ATXN1: variants seen among roughly 807,000 people sequenced by gnomAD.
The protein encoded by ATXN1 is ataxin 1.
ATXN1 carries 8 observed loss-of-function variants against 56.4 expected under a neutral mutation model. That is an observed-to-expected ratio of 0.14 (90% CI 0.08 to 0.26). ATXN1 has a LOEUF of 0.26. ATXN1 is among the 10% of genes least tolerant of loss of function. The pLI is 1.00. For synonymous variants in ATXN1, 514 were observed against 494.6 expected (o/e 1.04, Z -0.52); for missense variants, 987 against 1,106.5 (o/e 0.89, Z 1.53).
At chr6:16,466,243 C>A (rs901314211) in intron 6 of ATXN1, among the ~76,000 whole-genome samples, 1 of 133,582 alleles carries the variant, frequency 7.5e-6, no homozygotes, top group Non-Finnish European at 1.6e-5. Flanking sequence ...TGTACCCAGG[C>A]GGGGGCAGAG....
Position 16,326,812 on chromosome 6 carries a change from T to C in ATXN1, c.1499A>G (p.Glu500Gly), listed in dbSNP as rs751613620. The change falls in exon 7 of 8, where the codon GAA becomes GGA. Residue 500 changes from glutamate (E) to glycine (G), a missense_variant. Around this residue, in one of 3 missense-constraint regions of ATXN1, gnomAD observed 723 missense variants for 791.7 expected, o/e 0.91. Transcript: ENST00000436367. This position sits in a 1 kb window ranked among gnomAD's most constrained non-coding sequence, Gnocchi z 6.6. ...TATGGCCGGGGCTGCCCCCGACGCT[T>C]CCATGTCAGTGCTGCCGACCGGGAT... Reference protein sequence around the residue: ...LLIPVGSTDMEASGAAPAIVT... With the variant: ...LLIPVGSTDMGASGAAPAIVT... 1.2e-6 allele frequency: 2 copies of C among 1,608,374 alleles called. No homozygotes were observed. Among genetic ancestry groups the C allele is most frequent in the East Asian group, 4.5e-5 (2 of 44,760 alleles).
At chr6:16,395,788 T>C (rs1249177461) in intron 6 of ATXN1, among the ~76,000 whole-genome samples, 1 of 151,648 alleles carries the variant, frequency 6.6e-6, no homozygotes, top group Non-Finnish European at 1.5e-5. Context: ...GAGGCCAAGG[T>C]GGGCAGATCA....
At chr6:16,718,624 T>C (rs985013102) in intron 2 of ATXN1, among the ~76,000 whole-genome samples, 7 of 152,242 alleles carry the variant, frequency 4.6e-5, no homozygotes, top group Non-Finnish European at 1.0e-4. Flanking sequence ...TTAAATATAT[T>C]ATGCTCTTTG....
intron 6 of ATXN1, among the ~76,000 whole-genome samples, chr6:16,416,676 G>A (rs1027813579): frequency 6.6e-6 from 1 of 152,126 alleles, no homozygotes; most frequent in Admixed American, 6.5e-5. Context: ...CACCCTAAAC[G>A]TTTAAAATAA....
At chr6:16,606,225 T>C (rs1165043378) in intron 3 of ATXN1, among the ~76,000 whole-genome samples, 1 of 152,218 alleles carries the variant, frequency 6.6e-6, no homozygotes, top group Non-Finnish European at 1.5e-5. Flanking sequence ...TTAGAACACC[T>C]AGCACAGGAC....
At chr6:16,404,952 C>T (rs1039743260) in intron 6 of ATXN1, among the ~76,000 whole-genome samples, 21 of 152,166 alleles carry the variant, frequency 1.4e-4, no homozygotes, top group African/African-American at 4.8e-4. Flanking sequence ...ATTTATTGCA[C>T]ACCTAAAACA....
At chr6:16,435,668 C>A (rs746824464) in intron 6 of ATXN1, among the ~76,000 whole-genome samples, 1 of 151,812 alleles carries the variant, frequency 6.6e-6, no homozygotes, top group East Asian at 1.9e-4. Flanking sequence ...AGGGGTGGAC[C>A]GCAGGGGAAA....
chr6:16,549,785 T>G (rs552242626), intron 4 of ATXN1, among the ~76,000 whole-genome samples: 1 of 150,138 alleles, frequency 6.7e-6, no homozygotes, highest in East Asian at 2.0e-4. Context: ...TAATCCCAGC[T>G]ACTCAGGAGG....
In ATXN1 at chr6:16,316,865, C is replaced by CTTTTTTTTTTTTTTTTTTTTTT. The variant is rs375359789; in HGVS notation, c.1917+9507_1917+9528dup. Among the ~76,000 whole-genome samples, 33 of 99,458 alleles carry CTTTTTTTTTTTTTTTTTTTTTT rather than the reference C, an allele frequency of 3.3e-4. 4 individuals carry two copies. Among genetic ancestry groups the CTTTTTTTTTTTTTTTTTTTTTT allele is most frequent in the South Asian group, 4.3e-4 (1 of 2,348 alleles). The allele number at this position is 99,458 out of a possible 152,430, so 65.2% of individuals were successfully genotyped here. The stretch of plus-strand genomic sequence containing the variant: ...AGGGGGCAATAGAGAGACTGCCTGT[C>CTTTTTTTTTTTTTTTTTTTTTT]TTTTTTTTTTTTTTTTTTTTTTTTT... On this transcript the variant is annotated intron_variant, in intron 7 of 7. Transcript: ENST00000436367.
At chr6:16,441,019 G>T (rs1303357679) in intron 6 of ATXN1, among the ~76,000 whole-genome samples, 3 of 152,116 alleles carry the variant, frequency 2.0e-5, no homozygotes, top group African/African-American at 7.2e-5. Context: ...GGTCCTTACG[G>T]CACGGTCAGC....
intron 2 of ATXN1, among the ~76,000 whole-genome samples, chr6:16,680,326 C>A (rs1010950081): frequency 6.6e-6 from 1 of 152,166 alleles, no homozygotes; most frequent in African/African-American, 2.4e-5. Context: ...CCCAGAAAGG[C>A]CCCCTACCCC....
intron 6 of ATXN1, among the ~76,000 whole-genome samples, chr6:16,333,225 G>C (rs899933660): frequency 4.6e-5 from 7 of 152,134 alleles, no homozygotes; most frequent in Non-Finnish European, 8.8e-5. Flanking sequence ...CAACTGCAGA[G>C]AAATATACTT....
At chr6:16,664,751 A>G (rs779344276) in intron 2 of ATXN1, among the ~76,000 whole-genome samples, 1 of 152,036 alleles carries the variant, frequency 6.6e-6, no homozygotes, top group Non-Finnish European at 1.5e-5. Flanking sequence ...TGGGTCCTCA[A>G]TAAATTTTAA....
intron 5 of ATXN1, among the ~76,000 whole-genome samples, chr6:16,496,873 G>C (rs984670446): frequency 3.9e-5 from 6 of 151,936 alleles, no homozygotes; most frequent in African/African-American, 1.5e-4. Context: ...TTTCTATTAG[G>C]AGAAAGAATA....
At chr6:16,419,268 A>G (rs1758980502) in intron 6 of ATXN1, among the ~76,000 whole-genome samples, 1 of 152,128 alleles carries the variant, frequency 6.6e-6, no homozygotes, top group Admixed American at 6.5e-5. Flanking sequence ...CTTTTGATGA[A>G]CTGCTGCATG....
intron 6 of ATXN1, among the ~76,000 whole-genome samples, chr6:16,475,560 A>C (rs1338015360): frequency 6.6e-6 from 1 of 152,190 alleles, no homozygotes; most frequent in African/African-American, 2.4e-5. Context: ...AGATGAAGTA[A>C]ATAAGGCTCA....
chr6:16,470,797 C>T (rs761553041), intron 6 of ATXN1, among the ~76,000 whole-genome samples: 1 of 152,088 alleles, frequency 6.6e-6, no homozygotes, highest in Non-Finnish European at 1.5e-5. Flanking sequence ...AGTGTGAGTC[C>T]AGCCTGGGCA....
intron 3 of ATXN1, among the ~76,000 whole-genome samples, chr6:16,653,316 T>C (rs905190622): frequency 6.6e-6 from 1 of 152,236 alleles, no homozygotes; most frequent in South Asian, 2.1e-4. Flanking sequence ...TCTGCTAACA[T>C]TGGATTCAAA....
intron 6 of ATXN1, among the ~76,000 whole-genome samples, chr6:16,427,547 G>A (rs1759183322): frequency 6.6e-6 from 1 of 152,198 alleles, no homozygotes; most frequent in South Asian, 2.1e-4. Flanking sequence ...CCCTAAGACA[G>A]AGTGGTCCTC....
Sources: allele counts gnomAD v4.1 joint callset (sites outside exome capture counted in the v4.1 genomes callset), GRCh38; gene constraint gnomAD v4.1.1; regional missense constraint gnomAD v4.1.1; non-coding constraint Gnocchi (gnomAD v3.1); transcripts MANE v1.5; gene names NCBI Gene and HGNC (gene_info 2026-07-23, HGNC 2026-07-21).